The following FAM168A variants were observed in gnomAD, a reference collection of about 807,000 sequenced individuals.
FAM168A encodes the protein protein FAM168A.
Under a neutral mutation model 28.5 loss-of-function variants are expected in FAM168A, and 3 were observed. The observed-to-expected ratio is 0.11, with a 90% confidence interval of 0.05 to 0.27. FAM168A has a LOEUF of 0.27. Ranked by LOEUF, FAM168A falls within the 10% of genes least tolerant of loss-of-function variation. FAM168A has a pLI of 1.00. For synonymous variants in FAM168A, 122 were observed against 124.2 expected (o/e 0.98, Z 0.12); for missense variants, 222 against 311.5 (o/e 0.71, Z 2.16).
rs1866419951 is a variant in FAM168A at position 73,401,968 on chromosome 11, A to G, written c.*4795T>C. The G allele has an allele frequency of 6.6e-6, 1 of 152,230 alleles. No homozygotes were observed. Among genetic ancestry groups the G allele is most frequent in the East Asian group, 1.9e-4 (1 of 5,190 alleles). The allele number at this position is 152,230 out of a possible 1,614,324, so 9.4% of individuals were successfully genotyped here. A position where few individuals can be genotyped will look rare whatever the true frequency, so the allele number is the denominator to read the frequency against. ...TTTTCTAGGAAAGGGGCAGATAAGTAAAGGACAAACCCTGCAGCCCCCTTG... is the reference window on the plus strand; with the variant it reads ...TTTTCTAGGAAAGGGGCAGATAAGTGAAGGACAAACCCTGCAGCCCCCTTG... On this transcript the variant is annotated 3_prime_UTR_variant, in exon 8 of 8. Coordinates refer to ENST00000356467, the MANE Select transcript of FAM168A (RefSeq NM_015159.3).
chr11:73,411,757 T>C, intron 4 of FAM168A, among the ~76,000 whole-genome samples: 1 of 152,198 alleles, frequency 6.6e-6, no homozygotes, highest in East Asian at 1.9e-4. Context: ...ATTCTGGGCA[T>C]CTTTTCTTTC....
At chr11:73,453,825 T>A (rs73544711) in intron 2 of FAM168A, among the ~76,000 whole-genome samples, 12,300 of 152,266 alleles carry the variant, frequency 0.081, 641 homozygotes, top group Non-Finnish European at 0.11. Flanking sequence ...TCCAGTCCTG[T>A]GTCAACATCC....
At chr11:73,487,754 A>C (rs1868072802) in intron 1 of FAM168A, among the ~76,000 whole-genome samples, 1 of 152,064 alleles carries the variant, frequency 6.6e-6, no homozygotes. Flanking sequence ...CAAATATCTC[A>C]TTCGCCAAAC....
intron 1 of FAM168A, among the ~76,000 whole-genome samples, chr11:73,547,403 G>A (rs1336701291): frequency 6.6e-6 from 1 of 152,066 alleles, no homozygotes; most frequent in Non-Finnish European, 1.5e-5. Context: ...TGTGCTGTTG[G>A]TGGGAACATA....
At chr11:73,490,884 T>C (rs1868118733) in intron 1 of FAM168A, among the ~76,000 whole-genome samples, 1 of 152,182 alleles carries the variant, frequency 6.6e-6, no homozygotes, top group Admixed American at 6.5e-5. Context: ...GATTCAGATT[T>C]TAATCTGTTT....
At position 73,588,741 on chromosome 11, in the gene FAM168A, A is replaced by C. The variant is rs149634198; in HGVS notation, c.-19+9182T>G. 1.6e-4 allele frequency among the ~76,000 whole-genome samples: 25 copies of C among 152,266 alleles called. No homozygotes were observed. The East Asian group carries it at 4.6e-3, about 28-fold the overall frequency. On this transcript the variant is annotated intron_variant, in intron 1 of 7. Coordinates refer to ENST00000356467, the MANE Select transcript of FAM168A (RefSeq NM_015159.3). ...ATATAGACTGAACTGCCTCCCCTCA[A>C]AATTCATAAATTGAAGCCCTATTCC...
intron 1 of FAM168A, among the ~76,000 whole-genome samples, chr11:73,579,914 C>G (rs2134732955): frequency 6.6e-6 from 1 of 152,254 alleles, no homozygotes; most frequent in South Asian, 2.1e-4. Context: ...TTTTCAGATA[C>G]CATTCATTTA....
At chr11:73,555,505 G>C (rs1565296503) in intron 1 of FAM168A, among the ~76,000 whole-genome samples, 1 of 151,994 alleles carries the variant, frequency 6.6e-6, no homozygotes, top group Admixed American at 6.6e-5. Context: ...AGGAGCTCGA[G>C]ACCAGCCTGG....
chr11:73,595,168 A>G (rs1289498636), intron 1 of FAM168A, among the ~76,000 whole-genome samples: 1 of 152,220 alleles, frequency 6.6e-6, no homozygotes, highest in East Asian at 1.9e-4. Flanking sequence ...ATCTGCAAAA[A>G]CAACGTCTAG....
chr11:73,460,499 CTTTTTT>C (rs547956382), intron 2 of FAM168A, among the ~76,000 whole-genome samples: 2 of 112,822 alleles, frequency 1.8e-5, no homozygotes, highest in Non-Finnish European at 3.6e-5. Context: ...GCTACTAATG[CTTTTTT>C]TTTTTTTTTT....
At chr11:73,503,213 C>T (rs1284045500) in intron 1 of FAM168A, among the ~76,000 whole-genome samples, 1 of 152,162 alleles carries the variant, frequency 6.6e-6, no homozygotes, top group Non-Finnish European at 1.5e-5. Flanking sequence ...GTCAAGTTGT[C>T]TCTGTTTGAA....
chr11:73,438,356 A>C (rs1867130315), intron 2 of FAM168A, among the ~76,000 whole-genome samples: 1 of 152,202 alleles, frequency 6.6e-6, no homozygotes, highest in South Asian at 2.1e-4. Flanking sequence ...CTTCTTAGAG[A>C]AATAAACATT....
At chr11:73,494,482 C>T (rs1041996092) in intron 1 of FAM168A, among the ~76,000 whole-genome samples, 1 of 152,170 alleles carries the variant, frequency 6.6e-6, no homozygotes, top group South Asian at 2.1e-4. Flanking sequence ...AATACCAGGC[C>T]AAGTCCTTTG....
intron 1 of FAM168A, among the ~76,000 whole-genome samples, chr11:73,504,699 C>T (rs890520113): frequency 6.6e-6 from 1 of 152,112 alleles, no homozygotes; most frequent in African/African-American, 2.4e-5. Flanking sequence ...AAGACACATG[C>T]ACATATATGT....
intron 4 of FAM168A, among the ~76,000 whole-genome samples, chr11:73,412,585 T>C (rs750714493): frequency 1.3e-5 from 2 of 152,184 alleles, no homozygotes; most frequent in African/African-American, 2.4e-5. Flanking sequence ...ACCCAAGTGA[T>C]CATCAAGGGA....
At chr11:73,412,713 T>A (rs1866634783) in intron 4 of FAM168A, among the ~76,000 whole-genome samples, 1 of 152,336 alleles carries the variant, frequency 6.6e-6, no homozygotes, top group Admixed American at 6.5e-5. Context: ...CCTGAGGACC[T>A]AGGCTTTGAA....
chr11:73,492,768 A>G (rs1052765257), intron 1 of FAM168A, among the ~76,000 whole-genome samples: 4 of 152,232 alleles, frequency 2.6e-5, no homozygotes, highest in African/African-American at 9.6e-5. Flanking sequence ...CAGATAGTCT[A>G]ATAGCAAAAA....
At chr11:73,497,249 G>A (rs935540555) in intron 1 of FAM168A, among the ~76,000 whole-genome samples, 12 of 151,980 alleles carry the variant, frequency 7.9e-5, no homozygotes, top group African/African-American at 2.2e-4. Context: ...GGCAGATCAC[G>A]AGGTCAGGAG....
intron 1 of FAM168A, among the ~76,000 whole-genome samples, chr11:73,556,207 A>G (rs1281517457): frequency 6.6e-6 from 1 of 151,908 alleles, no homozygotes; most frequent in Non-Finnish European, 1.5e-5. Context: ...TAATTAGCCA[A>G]GTGTGGTGAT....
Sources: allele counts gnomAD v4.1 joint callset (sites outside exome capture counted in the v4.1 genomes callset), GRCh38; gene constraint gnomAD v4.1.1; transcripts MANE v1.5; gene names NCBI Gene and HGNC (gene_info 2026-07-23, HGNC 2026-07-21).